The following NCOA2 variants were observed in gnomAD, a reference collection of about 807,000 sequenced individuals.
The protein encoded by NCOA2 is nuclear receptor coactivator 2, also known as class E basic helix-loop-helix protein 75.
Under a neutral mutation model 145.1 loss-of-function variants are expected in NCOA2, and 21 were observed. The ratio of observed to expected loss-of-function variants is 0.14; its 90% CI spans 0.10 to 0.21. NCOA2 has a LOEUF of 0.21. Among genes scored for constraint, NCOA2 ranks in the 10% least tolerant of loss-of-function variants. The probability of loss-of-function intolerance (pLI) is 1.00; values close to 1 mark genes in which losing one functional copy is unlikely to be tolerated. For missense variants in NCOA2, 1,472 were observed against 1,837.6 expected (o/e 0.80, Z 3.64); for synonymous variants, 619 against 637.5 (o/e 0.97, Z 0.44).
At chr8:70,401,248 A>G (rs1332767545) in intron 1 of NCOA2, among the ~76,000 whole-genome samples, 1 of 152,220 alleles carries the variant, frequency 6.6e-6, no homozygotes, top group Non-Finnish European at 1.5e-5. Flanking sequence ...AAGTCACTTG[A>G]CTGAACGCGC....
At chr8:70,159,236 A>ATATTTATATATATATATATATATATG (rs1554578476) in intron 10 of NCOA2, among the ~76,000 whole-genome samples, 13 of 16,046 alleles carry the variant, frequency 8.1e-4, no homozygotes, top group African/African-American at 1.7e-3. Context: ...ATATATATAT[A>ATATTTATATATATATATATATATATG]TATATATTTT....
At chr8:70,278,854 T>A (rs1825665826) in intron 2 of NCOA2, among the ~76,000 whole-genome samples, 1 of 151,344 alleles carries the variant, frequency 6.6e-6, no homozygotes, top group South Asian at 2.1e-4. Flanking sequence ...TAATCCCAGC[T>A]ACAAGGTAGG....
In NCOA2 at chr8:70,123,963, TTCATGCTGC is replaced by T. The variant is rs776857051; in HGVS notation, c.4205_4213del (p.Ser1402_Met1404del). 8.1e-6 allele frequency: 13 copies of T among 1,613,904 alleles called. No homozygotes were observed. Among genetic ancestry groups the T allele is most frequent in the Non-Finnish European group, 1.0e-5 (12 of 1,179,892 alleles). On this transcript the variant is annotated inframe_deletion, in exon 21 of 23. Transcript: ENST00000452400. ...CATGCTGATCTGTCCTGTCATCTGG[TTCATGCTGC>T]TCATGCCACCTGTGTTGGTCGCCAT... is the stretch of plus-strand genomic sequence containing the variant.
chr8:70,145,319 G>A (rs532751572), intron 12 of NCOA2, among the ~76,000 whole-genome samples: 9,637 of 35,344 alleles, frequency 0.27, 461 homozygotes, highest in Middle Eastern at 0.3. Flanking sequence ...TACCATGCCC[G>A]GCTAATTTTT....
intron 2 of NCOA2, among the ~76,000 whole-genome samples, chr8:70,247,108 T>C (rs1378244040): frequency 6.6e-6 from 1 of 152,058 alleles, no homozygotes; most frequent in East Asian, 1.9e-4. Context: ...TAGAAATAAA[T>C]AGGATAGAAT....
intron 2 of NCOA2, among the ~76,000 whole-genome samples, chr8:70,272,356 C>A (rs1177135000): frequency 6.6e-6 from 1 of 152,198 alleles, no homozygotes; most frequent in Admixed American, 6.5e-5. Flanking sequence ...CATGAAACCC[C>A]TACCCCCACC....
intron 2 of NCOA2, among the ~76,000 whole-genome samples, chr8:70,240,898 G>A (rs1204593112): frequency 6.6e-6 from 1 of 152,110 alleles, no homozygotes; most frequent in Non-Finnish European, 1.5e-5. Context: ...GTGAAATCAG[G>A]AGAATCAATG....
intron 1 of NCOA2, among the ~76,000 whole-genome samples, chr8:70,386,505 T>C (rs1012955484): frequency 9.9e-5 from 15 of 152,140 alleles, no homozygotes; most frequent in Non-Finnish European, 1.6e-4. Flanking sequence ...GAAACGCTTG[T>C]GGTAAAATAA....
At chr8:70,334,537 C>T (rs1417853181) in intron 1 of NCOA2, among the ~76,000 whole-genome samples, 1 of 152,206 alleles carries the variant, frequency 6.6e-6, no homozygotes, top group Non-Finnish European at 1.5e-5. Flanking sequence ...TATCACTCGA[C>T]TCTCTGTCTT....
intron 1 of NCOA2, among the ~76,000 whole-genome samples, chr8:70,358,321 G>GA (rs1345937779): frequency 6.6e-6 from 1 of 152,002 alleles, no homozygotes. Context: ...TATTGAAAAA[G>GA]AAGAACAAAG....
rs752729828 is a variant in NCOA2, at chr8:70,375,047, G to GA, written c.-77+28652dup. Among the ~76,000 whole-genome samples the GA allele has an allele frequency of 1.4e-3, 204 of 150,330 alleles. 1 individual carries two copies. The highest frequency in any genetic ancestry group is 2.3e-3 in the Non-Finnish European group (153 of 67,504). ...AACATCGCATATCATCCTGGTAAAT[G>GA]AAAAAAAAAGATATCAATAAACTGC... On this transcript the variant is annotated intron_variant, in intron 1 of 22. Coordinates refer to ENST00000452400, the MANE Select transcript of NCOA2 (RefSeq NM_006540.4).
intron 2 of NCOA2, among the ~76,000 whole-genome samples, chr8:70,292,051 G>A (rs1181559281): frequency 1.3e-5 from 2 of 150,724 alleles, no homozygotes; most frequent in Non-Finnish European, 3.0e-5. Flanking sequence ...CTCCAGCCTG[G>A]GCAACAGAGC....
At chr8:70,408,509 C>T (rs976726892), upstream of NCOA2, among the ~76,000 whole-genome samples, 2 of 152,086 alleles carry the variant, frequency 1.3e-5, no homozygotes, top group Non-Finnish European at 2.9e-5. Flanking sequence ...GGCCTAAAAA[C>T]AGAAATAGAC....
chr8:70,358,314 T>C (rs1018003442), intron 1 of NCOA2, among the ~76,000 whole-genome samples: 2 of 152,054 alleles, frequency 1.3e-5, no homozygotes, highest in East Asian at 3.9e-4. Context: ...AAAACAATAT[T>C]GAAAAAGAAG....
At chr8:70,298,206 C>T (rs1827226807) in intron 1 of NCOA2, among the ~76,000 whole-genome samples, 1 of 152,164 alleles carries the variant, frequency 6.6e-6, no homozygotes. Flanking sequence ...TCCAATAGCA[C>T]AAACAAGTTA....
intron 1 of NCOA2, among the ~76,000 whole-genome samples, chr8:70,387,526 A>C (rs942471396): frequency 3.9e-5 from 6 of 152,096 alleles, no homozygotes; most frequent in Non-Finnish European, 5.9e-5. Context: ...ACTTTCTACA[A>C]ATTAGCCTGT....
At chr8:70,451,140 C>T in the NCOA2 span, among the ~76,000 whole-genome samples, 1 of 144,760 alleles carries the variant, frequency 6.9e-6, no homozygotes, top group South Asian at 2.2e-4. Context: ...ATGGTGTGAA[C>T]CCGGGAGGCG....
At chr8:70,144,033 T>C (rs1464372376) in intron 13 of NCOA2, among the ~76,000 whole-genome samples, 1 of 152,240 alleles carries the variant, frequency 6.6e-6, no homozygotes, top group Non-Finnish European at 1.5e-5. Context: ...CAGTGACTAC[T>C]ACCTAGGAAA....
At chr8:70,364,851 G>GTTTTTTTTTTTTT (rs1810544798) in intron 1 of NCOA2, among the ~76,000 whole-genome samples, 1 of 145,946 alleles carries the variant, frequency 6.9e-6, no homozygotes. Flanking sequence ...TTTTCCCCCA[G>GTTTTTTTTTTTTT]TCTGTGCACA....
Sources: allele counts gnomAD v4.1 joint callset (sites outside exome capture counted in the v4.1 genomes callset), GRCh38; gene constraint gnomAD v4.1.1; transcripts MANE v1.5; gene names NCBI Gene and HGNC (gene_info 2026-07-23, HGNC 2026-07-21).